CCDC91: variants seen among roughly 807,000 people sequenced by gnomAD.
The protein encoded by CCDC91 is coiled-coil domain containing 91.
A neutral mutation model predicts 63.2 loss-of-function variants in CCDC91; 48 were observed. That is an observed-to-expected ratio of 0.76 (90% confidence interval 0.60 to 0.97). The LOEUF (loss-of-function observed/expected upper bound fraction) is 0.97. CCDC91 is among the 50% of genes least tolerant of loss of function. The pLI is 0.00. For synonymous variants in CCDC91, 167 were observed against 165.8 expected, an observed-to-expected ratio of 1.01 and a Z score of -0.06; for missense variants, 500 against 494.6, an observed-to-expected ratio of 1.01 and a Z score of -0.10.
chr12:28,548,061 A>G (rs1245779179), intron 12 of CCDC91, among the ~76,000 whole-genome samples: 1 of 152,116 alleles, frequency 6.6e-6, no homozygotes. Flanking sequence ...AGGGCCAAAA[A>G]GTTTGAAGCT....
At chr12:28,405,251 AATG>A (rs997048601) in intron 8 of CCDC91, among the ~76,000 whole-genome samples, 4 of 152,114 alleles carry the variant, frequency 2.6e-5, no homozygotes, top group African/African-American at 9.7e-5. Context: ...TTCATTTTCA[AATG>A]ATGTTATGCC....
intron 3 of CCDC91, among the ~76,000 whole-genome samples, chr12:28,298,546 A>G (rs1937666131): frequency 6.6e-6 from 1 of 151,334 alleles, no homozygotes; most frequent in Non-Finnish European, 1.5e-5. Context: ...GTATATTTTT[A>G]AGCAGGTATA....
chr12:28,319,049 C>T (rs1483228596), intron 6 of CCDC91, among the ~76,000 whole-genome samples: 1 of 151,894 alleles, frequency 6.6e-6, no homozygotes, highest in Non-Finnish European at 1.5e-5. Context: ...ATGAAATATG[C>T]ATCTTAGACT....
At chr12:28,200,794 C>G (rs1183494107) in intron 1 of CCDC91, among the ~76,000 whole-genome samples, 1 of 151,824 alleles carries the variant, frequency 6.6e-6, no homozygotes, top group Non-Finnish European at 1.5e-5. Flanking sequence ...GTTGGGTACA[C>G]CTCCCAGACG....
intron 6 of CCDC91, among the ~76,000 whole-genome samples, chr12:28,311,198 C>T (rs1353491162): frequency 1.3e-5 from 2 of 151,924 alleles, no homozygotes; most frequent in Admixed American, 1.3e-4. Flanking sequence ...GGTGGGATTT[C>T]AGGGCTCCCA....
rs555061982 is a variant in CCDC91 at position 28,273,353 on chromosome 12, C to A, written c.109+13911C>A. ...GATTTATAATCCTTTGGGTATATACCCAGTAATGGGATTGCTGGGTCAAAT... is the reference window on the plus strand; with the variant it reads ...GATTTATAATCCTTTGGGTATATACACAGTAATGGGATTGCTGGGTCAAAT... On this transcript the variant is annotated intron_variant, in intron 3 of 12. Transcript: ENST00000536442. Among the ~76,000 whole-genome samples the A allele has an allele frequency of 2.6e-3, 396 of 152,134 alleles. 1 individual carries two copies. The highest frequency in any genetic ancestry group is 9.0e-3 in the African/African-American group (375 of 41,500).
intron 6 of CCDC91, among the ~76,000 whole-genome samples, chr12:28,325,920 CA>C (rs1940952535): frequency 6.6e-6 from 1 of 151,946 alleles, no homozygotes; most frequent in South Asian, 2.1e-4. Flanking sequence ...TATGTTTAAA[CA>C]ATATGGCACA....
intron 8 of CCDC91, among the ~76,000 whole-genome samples, chr12:28,420,872 G>GT (rs1179275687): frequency 6.6e-6 from 1 of 151,510 alleles, no homozygotes; most frequent in Non-Finnish European, 1.5e-5. Context: ...ATTCACAAAT[G>GT]TTTTTTGAGT....
chr12:28,335,201 A>G (rs1176277298), intron 6 of CCDC91, among the ~76,000 whole-genome samples: 4 of 138,418 alleles, frequency 2.9e-5, no homozygotes, highest in Non-Finnish European at 6.2e-5. Flanking sequence ...ATTTATAAAT[A>G]TATATTCATA....
intron 12 of CCDC91, among the ~76,000 whole-genome samples, chr12:28,485,302 G>A (rs922498323): frequency 6.6e-6 from 1 of 151,884 alleles, no homozygotes; most frequent in Non-Finnish European, 1.5e-5. Flanking sequence ...GAAATTACAG[G>A]CGCCTGCCAC....
At chr12:28,499,051 A>G (rs1952470273) in intron 12 of CCDC91, among the ~76,000 whole-genome samples, 1 of 151,652 alleles carries the variant, frequency 6.6e-6, no homozygotes, top group Non-Finnish European at 1.5e-5. Context: ...TTCCTTGCTC[A>G]CTAAGCAGCT....
intron 8 of CCDC91, among the ~76,000 whole-genome samples, chr12:28,394,140 C>G (rs1056512450): frequency 6.6e-6 from 1 of 152,062 alleles, no homozygotes; most frequent in Non-Finnish European, 1.5e-5. Context: ...GGATTATAAG[C>G]GGTTCAGTAT....
chr12:28,221,564 G>C (rs957418216), intron 1 of CCDC91, among the ~76,000 whole-genome samples: 5 of 152,028 alleles, frequency 3.3e-5, no homozygotes, highest in African/African-American at 1.2e-4. Flanking sequence ...GGATTATTTT[G>C]AGGCTTACTT....
At chr12:28,376,327 C>G (rs75380398) in intron 7 of CCDC91, among the ~76,000 whole-genome samples, 1 of 151,572 alleles carries the variant, frequency 6.6e-6, no homozygotes, top group Non-Finnish European at 1.5e-5. Context: ...ATTGAAATTA[C>G]TGAGAATTTT....
chr12:28,245,151 TAA>T (rs768361018), intron 1 of CCDC91, among the ~76,000 whole-genome samples: 19 of 152,132 alleles, frequency 1.2e-4, no homozygotes, highest in Admixed American at 5.2e-4. Context: ...CTCACTATCA[TAA>T]AGATTCCTTT....
At chr12:28,368,682 T>C (rs1216546065) in intron 7 of CCDC91, among the ~76,000 whole-genome samples, 1 of 152,176 alleles carries the variant, frequency 6.6e-6, no homozygotes, top group Non-Finnish European at 1.5e-5. Flanking sequence ...GTTAGTTTGT[T>C]TTCATACTGT....
chr12:28,427,422 A>C (rs1308959220), intron 8 of CCDC91, among the ~76,000 whole-genome samples: 1 of 152,104 alleles, frequency 6.6e-6, no homozygotes, highest in Non-Finnish European at 1.5e-5. Flanking sequence ...GGTGCATTAC[A>C]GGGAGATACT....
At chr12:28,227,536 T>C (rs1033641093) in intron 1 of CCDC91, among the ~76,000 whole-genome samples, 4 of 152,088 alleles carry the variant, frequency 2.6e-5, no homozygotes, top group African/African-American at 9.7e-5. Context: ...TGTGTCCATA[T>C]TGTCTAAGCC....
intron 12 of CCDC91, among the ~76,000 whole-genome samples, chr12:28,507,420 T>C (rs1438057232): frequency 1.3e-5 from 2 of 151,980 alleles, no homozygotes; most frequent in African/African-American, 2.4e-5. Context: ...CACCCCCTAG[T>C]TGTTACAATC....
Sources: allele counts gnomAD v4.1 joint callset (sites outside exome capture counted in the v4.1 genomes callset), GRCh38; gene constraint gnomAD v4.1.1; transcripts MANE v1.5; gene names NCBI Gene and HGNC (gene_info 2026-07-23, HGNC 2026-07-21).